The following MORC3 variants were observed in gnomAD, a reference collection of about 807,000 sequenced individuals.
MORC3 encodes MORC family CW-type zinc finger protein 3.
In MORC3, 31 loss-of-function variants were observed where a neutral mutation model predicts 109.1. That is an observed-to-expected ratio of 0.28 (90% CI 0.21 to 0.38). MORC3 has a LOEUF of 0.38. Among genes scored for constraint, MORC3 ranks in the 10% least tolerant of loss-of-function variants. The pLI, the probability that MORC3 is intolerant of heterozygous loss-of-function variation, is 1.00. For synonymous variants in MORC3, 395 were observed against 380.7 expected (o/e 1.04, Z -0.44); for missense variants, 867 against 1,135.8 (o/e 0.76, Z 3.40).
At chr21:36,339,784 G>C (rs1483266786) in intron 5 of MORC3, among the ~76,000 whole-genome samples, 3 of 152,156 alleles carry the variant, frequency 2.0e-5, no homozygotes, top group African/African-American at 7.2e-5. Flanking sequence ...GTAGTGATAA[G>C]CCTAAAGAAC....
At chr21:36,323,286 A>G (rs1442937882) in intron 1 of MORC3, among the ~76,000 whole-genome samples, 1 of 152,186 alleles carries the variant, frequency 6.6e-6, no homozygotes, top group Non-Finnish European at 1.5e-5. Flanking sequence ...TCGGGTTCAA[A>G]TCCTGACTCA....
chr21:36,337,317 A>T (rs1165729382), intron 3 of MORC3, among the ~76,000 whole-genome samples: 1 of 152,150 alleles, frequency 6.6e-6, no homozygotes, highest in Non-Finnish European at 1.5e-5. Flanking sequence ...AAAACCTACC[A>T]CTTTGTTGGG....
intron 10 of MORC3, 138 bp downstream of exon 10, chr21:36,356,862 G>A (rs956997077): frequency 2.6e-5 from 13 of 492,182 alleles, no homozygotes; most frequent in Non-Finnish European, 4.4e-5. Flanking sequence ...TTAGCGCACT[G>A]CAAAATCAGT....
chr21:36,329,662 A>G (rs75702636), intron 1 of MORC3, among the ~76,000 whole-genome samples: 4,037 of 152,262 alleles, frequency 0.027, 170 homozygotes, highest in African/African-American at 0.089. Flanking sequence ...AGTTCAGGCC[A>G]TGACAGGAAG....
At chr21:36,363,569 A>T (rs1203088489) in intron 13 of MORC3, among the ~76,000 whole-genome samples, 3 of 152,228 alleles carry the variant, frequency 2.0e-5, no homozygotes, top group African/African-American at 7.2e-5. Context: ...GTTTTATCAT[A>T]AAGTGTTGAG....
chr21:36,353,864 C>G (rs957404880), intron 9 of MORC3, among the ~76,000 whole-genome samples: 10 of 148,568 alleles, frequency 6.7e-5, no homozygotes, highest in Non-Finnish European at 1.0e-4. Context: ...TCCCAAAGTG[C>G]TGGGATTACA....
intron 1 of MORC3, 43 bp downstream of exon 1, chr21:36,320,346 G>C: frequency 7.2e-7 from 1 of 1,392,502 alleles, no homozygotes; most frequent in Non-Finnish European, 9.4e-7. Context: ...TCCCAGGAGG[G>C]CGGGCGGGCA....
chr21:36,333,560 T>TTG, intron 1 of MORC3, 86 bp from the exon 2 acceptor site: 3 of 1,086,862 alleles, frequency 2.8e-6, no homozygotes, highest in South Asian at 2.6e-5. Flanking sequence ...GGTCTCAATG[T>TTG]TGTTTAACAC....
chr21:36,342,158 T>TG (rs1006380347), intron 6 of MORC3, among the ~76,000 whole-genome samples: 2 of 151,850 alleles, frequency 1.3e-5, no homozygotes, highest in African/African-American at 4.8e-5. Context: ...AACCTGCAGG[T>TG]GGGGCAGTGC....
At position 36,375,315 on chromosome 21, in the gene MORC3, T is replaced by TA. The variant is rs1231892619; in HGVS notation, c.*23dup. 3.1e-6 allele frequency: 5 copies of TA among 1,587,630 alleles called. No individual in the cohort carries two copies. Among genetic ancestry groups the TA allele is most frequent in the Non-Finnish European group, 4.3e-6 (5 of 1,163,814 alleles). ...TACTTAAAGTATATGTTATGTAAGA[T>TA]AAAATATTTGCTCAATTCTTTTGGT... is the stretch of plus-strand genomic sequence containing the variant. On this transcript the variant is annotated 3_prime_UTR_variant, in exon 17 of 17. Coordinates refer to ENST00000400485, the MANE Select transcript of MORC3 (RefSeq NM_015358.3).
chr21:36,344,429 A>G, intron 6 of MORC3, 150 bp from the exon 7 acceptor site: 1 of 945,648 alleles, frequency 1.1e-6, no homozygotes. Context: ...AAAATAACCA[A>G]ATCAGAATAA....
At position 36,320,198 on chromosome 21, in the gene MORC3, C is replaced by T. The variant is rs371608302; in HGVS notation, c.-67C>T. Reference sequence around the variant, plus strand: ...AGTGGGCGGTACCCATAGGGCTCCACAGTCGTTCCGCCACCTCCCAGTCGG... The same window carrying T: ...AGTGGGCGGTACCCATAGGGCTCCATAGTCGTTCCGCCACCTCCCAGTCGG... On this transcript the variant is annotated 5_prime_UTR_variant, in exon 1 of 17. Coordinates refer to ENST00000400485, the MANE Select transcript of MORC3 (RefSeq NM_015358.3). The T allele has an allele frequency of 2.6e-6, 4 of 1,547,160 alleles. No individual in the cohort carries two copies. The highest frequency in any genetic ancestry group is 3.5e-6 in the Non-Finnish European group (4 of 1,143,254).
At position 36,360,249 on chromosome 21, in the gene MORC3, A is replaced by G. The variant is rs750756739; in HGVS notation, c.1397A>G (p.Tyr466Cys). The change falls in exon 12 of 17, where the codon TAC (tyrosine) becomes TGC (cysteine). Residue 466 changes from tyrosine (Y) to cysteine (C), a missense_variant. Tyr to Cys is a radical substitution (Grantham distance 194). Transcript: ENST00000400485. Reference sequence around the variant, plus strand: ...GTACATCCCACTTATGAAAAAACCTACAAAAAGACGTGAGTGTTGTATTGA... The same window carrying G: ...GTACATCCCACTTATGAAAAAACCTGCAAAAAGACGTGAGTGTTGTATTGA... Reference protein sequence around the residue: ...DLVHPTYEKTYKKTNKEKFRI... With the variant: ...DLVHPTYEKTCKKTNKEKFRI... 6 of 1,613,600 alleles carry G rather than the reference A, an allele frequency of 3.7e-6. No individual in the cohort carries two copies. The highest frequency in any genetic ancestry group is 1.3e-5 in the African/African-American group (1 of 75,044).
In MORC3 at chr21:36,376,444, C is replaced by T. The variant is rs1006692470; in HGVS notation, c.*1148C>T. ...TTTTGTATGTATGCTTAATACGTGT[C>T]GGTCATATACAGTATTGAATTTTTA... On this transcript the variant is annotated 3_prime_UTR_variant, in exon 17 of 17. Transcript: ENST00000400485. The T allele has an allele frequency of 3.3e-5, 5 of 152,156 alleles. No homozygotes were observed. The highest frequency in any genetic ancestry group is 3.2e-3 in the Middle Eastern group (1 of 314). 9.4% of individuals were successfully genotyped at this position (152,156 alleles called of 1,614,324 possible).
chr21:36,372,245 T>C, intron 15 of MORC3, 129 bp from the exon 16 acceptor site: 1 of 741,800 alleles, frequency 1.3e-6, no homozygotes, highest in Non-Finnish European at 2.0e-6. Flanking sequence ...TACTGGTTTT[T>C]CTTTGTGTAT....
At chr21:36,325,353 A>C (rs2085237389) in intron 1 of MORC3, among the ~76,000 whole-genome samples, 1 of 152,226 alleles carries the variant, frequency 6.6e-6, no homozygotes, top group Non-Finnish European at 1.5e-5. Context: ...CTGCCATGGC[A>C]TAATTCTGGC....
rs1393827823 is a variant in MORC3, at chr21:36,347,741, G to C, written c.1006-1570G>C. 2.6e-5 allele frequency: 4 copies of C among 152,296 alleles called. No homozygotes were observed. The East Asian group carries it at 7.7e-4, about 29-fold the overall frequency. 9.4% of individuals were successfully genotyped at this position (152,296 alleles called of 1,614,324 possible). A position where few individuals can be genotyped will look rare whatever the true frequency, so the allele number is the denominator to read the frequency against. On this transcript the variant is annotated intron_variant, in intron 8 of 16. Transcript: ENST00000400485. Reference sequence around the variant, plus strand: ...AATGAGTCTCAGTTGATTTCACTGTGCTGCAAAGTCTGGAAGGGCTTTCCA... The same window carrying C: ...AATGAGTCTCAGTTGATTTCACTGTCCTGCAAAGTCTGGAAGGGCTTTCCA...
intron 14 of MORC3, among the ~76,000 whole-genome samples, chr21:36,364,617 G>T (rs1350343701): frequency 6.6e-6 from 1 of 151,516 alleles, no homozygotes; most frequent in African/African-American, 2.4e-5. Context: ...CTGCACCCCA[G>T]CCTGGGCAAC....
chr21:36,328,107 C>A (rs919591647), intron 1 of MORC3, among the ~76,000 whole-genome samples: 1 of 151,960 alleles, frequency 6.6e-6, no homozygotes, highest in Non-Finnish European at 1.5e-5. Context: ...AAACACCTGA[C>A]GTCAAATGAT....
Sources: gnomAD v4.1 joint callset for allele counts (sites outside exome capture counted in the v4.1 genomes callset) on GRCh38, gnomAD v4.1.1 for gene constraint, MANE v1.5 for transcripts, NCBI Gene and HGNC (gene_info 2026-07-23, HGNC 2026-07-21) for gene names.